The following IQCF3 variants were observed in gnomAD, a reference collection of about 807,000 sequenced individuals.
The protein encoded by IQCF3 is IQ domain-containing protein F3.
IQCF3 carries 7 observed loss-of-function variants against 5.1 expected under a neutral mutation model. That is an observed-to-expected ratio of 1.36 (90% CI 0.78 to 2.56). IQCF3 has a LOEUF of 2.56. Ranked by LOEUF, IQCF3 falls within the 30% of genes most tolerant of loss-of-function variation. The pLI, the probability that IQCF3 is intolerant of heterozygous loss-of-function variation, is 0.00. For missense variants in IQCF3, 189 were observed against 196.5 expected (o/e 0.96, Z 0.23); for synonymous variants, 82 against 72.8 (o/e 1.13, Z -0.64).
chr3:51,829,533 T>C, intron 1 of IQCF3, 40 bp downstream of exon 1: 1 of 1,595,734 alleles, frequency 6.3e-7, no homozygotes. Flanking sequence ...GGGTGGGAGT[T>C]GTCCCATGGC....
At chr3:51,827,164 G>C (rs1187471049), upstream of IQCF3, 2 of 152,216 alleles carry the variant, frequency 1.3e-5, no homozygotes, top group Admixed American at 1.3e-4. Flanking sequence ...AAACAGACAG[G>C]AAATGCATGA....
Position 51,830,386 on chromosome 3 carries a change from C to T in IQCF3, c.67-17C>T. On this transcript the variant is annotated splice_polypyrimidine_tract_variant and intron_variant, in intron 2 of 2. Transcript: ENST00000440739. This position sits in a 1 kb window ranked among gnomAD's most constrained non-coding sequence, Gnocchi z 4.1. ...TGGTGATAAATTCACTGGGAGTCCT[C>T]TGCTTTGCTTGGCCAGTTGCTTCTT... The T allele has an allele frequency of 6.6e-7, 1 of 1,523,988 alleles. No homozygotes were observed. The highest frequency in any genetic ancestry group is 1.3e-5 in the South Asian group (1 of 75,934). The allele number at this position is 1,523,988 out of a possible 1,614,324, so 94.4% of individuals were successfully genotyped here.
chr3:51,829,122 T>G (rs533431195), upstream of IQCF3, among the ~76,000 whole-genome samples: 20 of 152,312 alleles, frequency 1.3e-4, no homozygotes, highest in African/African-American at 3.6e-4. Flanking sequence ...AAGCACTTTA[T>G]TAGAAAACTA....
At chr3:51,829,936 G>C in intron 2 of IQCF3, 2 of 571,512 alleles carry the variant, frequency 3.5e-6, no homozygotes, top group Non-Finnish European at 6.3e-6. Context: ...GAAGTGGAAA[G>C]GCCCAGGAGA....
chr3:51,828,859 G>A (rs1698324682), upstream of IQCF3: 1 of 153,026 alleles, frequency 6.5e-6, no homozygotes, highest in Non-Finnish European at 1.5e-5. Flanking sequence ...AGTCTGTTCA[G>A]GGAATCAATT....
At chr3:51,829,326 C>A, upstream of IQCF3, 1 of 792,658 alleles carries the variant, frequency 1.3e-6, no homozygotes, top group Admixed American at 2.3e-5. Context: ...CTTTATCCAT[C>A]AACTTTGAGC....
chr3:51,829,528 G>C (rs921947396), intron 1 of IQCF3, 35 bp downstream of exon 1: 8 of 1,596,188 alleles, frequency 5.0e-6, no homozygotes, highest in Non-Finnish European at 6.8e-6. Flanking sequence ...CCCAGGGGTG[G>C]GAGTTGTCCC....
At chr3:51,828,983 C>T (rs555629144), upstream of IQCF3, among the ~76,000 whole-genome samples, 106 of 151,932 alleles carry the variant, frequency 7.0e-4, no homozygotes, top group Middle Eastern at 3.4e-3. Flanking sequence ...CTGTGGGGTC[C>T]GTGGTAACAT....
chr3:51,826,984 G>A (rs1463079826), upstream of IQCF3: 3 of 152,582 alleles, frequency 2.0e-5, no homozygotes, highest in African/African-American at 7.2e-5. Context: ...AGGATGCTGG[G>A]GTGAGGGTAC....
In IQCF3 at chr3:51,829,455, C is replaced by T; in HGVS notation, c.-21C>T. The T allele has an allele frequency of 1.9e-6, 3 of 1,594,556 alleles. No individual in the cohort carries two copies. Among genetic ancestry groups the T allele is most frequent in the Non-Finnish European group, 2.6e-6 (3 of 1,170,534 alleles). On this transcript the variant is annotated 5_prime_UTR_variant, in exon 1 of 3. Transcript: ENST00000440739. ...AACAGCAACCAGAGGGAGATGATCA[C>T]CTGAACCACTGCTCCAAACCATGGG...
chr3:51,830,711 C>T lies in IQCF3; in HGVS notation c.375C>T (p.Ser125=). Residue 125 remains serine (S), a synonymous_variant, in exon 3 of 3, where the codon AGC becomes AGT. Coordinates refer to ENST00000440739, the MANE Select transcript of IQCF3 (RefSeq NM_001393887.1). The surrounding 1 kb of genome is among the most constrained non-coding windows in gnomAD (Gnocchi z 4.1). ...GCTTGTTCCAGGTCCCAGAGAGCAG[C>T]CTTGCCTTCCAGACTGATGGCTTTT... The part of the protein sequence containing the change: ...ALCLFQVPES[S]LAFQTDGFLQ... 1 of 1,613,886 alleles carries T rather than the reference C, an allele frequency of 6.2e-7. No individual in the cohort carries two copies. Among genetic ancestry groups the T allele is most frequent in the Non-Finnish European group, 8.5e-7 (1 of 1,179,816 alleles).
upstream of IQCF3, chr3:51,828,546 C>T (rs1698320774): frequency 6.6e-6 from 1 of 152,202 alleles, no homozygotes; most frequent in Non-Finnish European, 1.5e-5. Context: ...GGTGGATTAG[C>T]TTTTTGATGA....
chr3:51,829,368 T>C, upstream of IQCF3: 2 of 1,278,758 alleles, frequency 1.6e-6, no homozygotes, highest in African/African-American at 1.5e-5. Flanking sequence ...CTGGTCATAG[T>C]TGCCTTTGTG....
upstream of IQCF3, chr3:51,829,392 C>A: frequency 1.3e-6 from 2 of 1,502,192 alleles, no homozygotes; most frequent in South Asian, 1.2e-5. Flanking sequence ...TCACGGCCAT[C>A]TCTTTCTCCA....
upstream of IQCF3, chr3:51,827,484 A>T (rs943069715): frequency 6.6e-6 from 1 of 152,152 alleles, no homozygotes; most frequent in African/African-American, 2.4e-5. Context: ...CAGGAAATGC[A>T]TACTGTCCTT....
Position 51,830,595 on chromosome 3 carries a change from G to C in IQCF3, c.259G>C (p.Val87Leu). Reference protein sequence around the residue: ...QRRQALLRVYVIQEQATVKLQ... With the variant: ...QRRQALLRVYLIQEQATVKLQ... ...GCGGCAGGCCCTGTTGAGGGTCTACGTCATCCAGGAGCAGGCGACGGTCAA... is the reference window on the plus strand; with the variant it reads ...GCGGCAGGCCCTGTTGAGGGTCTACCTCATCCAGGAGCAGGCGACGGTCAA... Residue 87 changes from valine to leucine, a missense_variant, in exon 3 of 3, where the codon GTC (valine) becomes CTC (leucine). Transcript: ENST00000440739. The surrounding 1 kb of genome is among the most constrained non-coding windows in gnomAD (Gnocchi z 4.1). 1 of 1,613,936 alleles carries C rather than the reference G, an allele frequency of 6.2e-7. No homozygotes were observed. The highest frequency in any genetic ancestry group is 8.5e-7 in the Non-Finnish European group (1 of 1,179,848).
rs747953643 is a variant in IQCF3 at position 51,830,593 on chromosome 3, A to G, written c.257A>G (p.Tyr86Cys). The stretch of plus-strand genomic sequence containing the variant: ...CGGCGGCAGGCCCTGTTGAGGGTCT[A>G]CGTCATCCAGGAGCAGGCGACGGTC... ...RQRRQALLRV[Y>C]VIQEQATVKL... The change falls in exon 3 of 3, where the codon TAC (tyrosine) becomes TGC (cysteine). Residue 86 changes from tyrosine to cysteine, a missense_variant. Coordinates refer to ENST00000440739, the MANE Select transcript of IQCF3 (RefSeq NM_001393887.1). This position sits in a 1 kb window ranked among gnomAD's most constrained non-coding sequence, Gnocchi z 4.1. 1.8e-5 allele frequency: 29 copies of G among 1,613,934 alleles called. No homozygotes were observed. Among genetic ancestry groups the G allele is most frequent in the Non-Finnish European group, 2.4e-5 (28 of 1,179,834 alleles).
rs1698349092 is a variant in IQCF3 at position 51,830,381 on chromosome 3, G to A, written c.67-22G>A. On this transcript the variant is annotated intron_variant, in intron 2 of 2. Coordinates refer to ENST00000440739, the MANE Select transcript of IQCF3 (RefSeq NM_001393887.1). This position sits in a 1 kb window ranked among gnomAD's most constrained non-coding sequence, Gnocchi z 4.1. ...CTTGATGGTGATAAATTCACTGGGA[G>A]TCCTCTGCTTTGCTTGGCCAGTTGC... is the stretch of plus-strand genomic sequence containing the variant. 1 of 1,519,232 alleles carries A rather than the reference G, an allele frequency of 6.6e-7. No homozygotes were observed. Among genetic ancestry groups the A allele is most frequent in the African/African-American group, 1.4e-5 (1 of 71,786 alleles). 94.1% of individuals were successfully genotyped at this position (1,519,232 alleles called of 1,614,324 possible).
intron 2 of IQCF3, chr3:51,829,964 C>A: frequency 1.9e-6 from 1 of 538,682 alleles, no homozygotes; most frequent in South Asian, 2.4e-5. Context: ...GGGACTGAGA[C>A]ATGGTAGTGG....
Sources: allele counts gnomAD v4.1 joint callset (sites outside exome capture counted in the v4.1 genomes callset), GRCh38; gene constraint gnomAD v4.1.1; non-coding constraint Gnocchi (gnomAD v3.1); transcripts MANE v1.5; gene names NCBI Gene and HGNC (gene_info 2026-07-23, HGNC 2026-07-21).